The following SLC67A2 variants were observed in gnomAD, a reference collection of about 807,000 sequenced individuals.
SLC67A2 encodes solute carrier family 67 member A2.
At chr2:102,722,539 T>A in the SLC67A2 span, among the ~76,000 whole-genome samples, 4 of 152,308 alleles carry the variant, frequency 2.6e-5, no homozygotes. Context: ...TATTTCCCTT[T>A]TAAATTGCAA....
the SLC67A2 span, among the ~76,000 whole-genome samples, chr2:102,723,244 C>T: frequency 6.6e-6 from 1 of 152,082 alleles, no homozygotes; most frequent in Non-Finnish European, 1.5e-5. Flanking sequence ...GCAGAGGCGG[C>T]GGATCGCATG....
the SLC67A2 span, chr2:102,719,298 A>G: frequency 7.8e-7 from 1 of 1,278,480 alleles, no homozygotes; most frequent in Admixed American, 2.3e-5. Context: ...TTTGTGTTAG[A>G]TTACTAATCT....
At chr2:102,719,037 C>T in the SLC67A2 span, 2 of 1,614,256 alleles carry the variant, frequency 1.2e-6, no homozygotes, top group Admixed American at 3.3e-5. Context: ...GCCAACACTA[C>T]TTCGACCCAG....
chr2:102,718,192 T>C, the SLC67A2 span: 1 of 547,164 alleles, frequency 1.8e-6, no homozygotes, highest in Non-Finnish European at 3.2e-6. Flanking sequence ...ATGCTCACCT[T>C]GGAAAAGCTT....
the SLC67A2 span, among the ~76,000 whole-genome samples, chr2:102,728,228 T>C: frequency 6.6e-6 from 1 of 152,242 alleles, no homozygotes; most frequent in African/African-American, 2.4e-5. Flanking sequence ...TCCCCCATGC[T>C]GTGTGAAACC....
At chr2:102,721,499 C>T in the SLC67A2 span, among the ~76,000 whole-genome samples, 2 of 152,102 alleles carry the variant, frequency 1.3e-5, no homozygotes, top group African/African-American at 2.4e-5. Context: ...CAAAAAGCTG[C>T]AGTAAAGTAC....
the SLC67A2 span, among the ~76,000 whole-genome samples, chr2:102,734,316 A>G: frequency 6.6e-6 from 1 of 152,294 alleles, no homozygotes; most frequent in Non-Finnish European, 1.5e-5. Flanking sequence ...TCTGGAGGAA[A>G]AAAGTGGTTG....
the SLC67A2 span, among the ~76,000 whole-genome samples, chr2:102,724,278 A>G: frequency 1.3e-5 from 2 of 152,106 alleles, no homozygotes; most frequent in Non-Finnish European, 2.9e-5. Flanking sequence ...CACTCTTTAC[A>G]CATTAACTCA....
the SLC67A2 span, chr2:102,732,498 A>ATGAGGTCAGGAG: frequency 9.3e-7 from 1 of 1,076,044 alleles, no homozygotes; most frequent in Non-Finnish European, 1.3e-6. Context: ...AAATAAAACC[A>ATGAGGTCAGGAG]ATATCTAAAA....
chr2:102,731,912 C>T, the SLC67A2 span: 1 of 322,436 alleles, frequency 3.1e-6, no homozygotes, highest in Non-Finnish European at 6.2e-6. Flanking sequence ...AACTAATTGG[C>T]TAATGTTCAC....
chr2:102,728,576 A>T, the SLC67A2 span, among the ~76,000 whole-genome samples: 1 of 151,794 alleles, frequency 6.6e-6, no homozygotes, highest in Non-Finnish European at 1.5e-5. Context: ...CTTCAATCCT[A>T]CTCCCCAATT....
chr2:102,718,856 A>G, the SLC67A2 span: 12 of 1,613,902 alleles, frequency 7.4e-6, no homozygotes, highest in Non-Finnish European at 9.3e-6. Flanking sequence ...GGCCCCCAGC[A>G]TGCTGCTGTA....
chr2:102,735,939 A>T, the SLC67A2 span, among the ~76,000 whole-genome samples: 1 of 152,118 alleles, frequency 6.6e-6, no homozygotes, highest in Admixed American at 6.5e-5. Context: ...ATTCACTCTG[A>T]TCTGCATTTT....
the SLC67A2 span, among the ~76,000 whole-genome samples, chr2:102,733,131 C>T: frequency 6.6e-6 from 1 of 152,198 alleles, no homozygotes; most frequent in Non-Finnish European, 1.5e-5. Context: ...CTTCTCCCTT[C>T]TTCAGTTCTG....
the SLC67A2 span, among the ~76,000 whole-genome samples, chr2:102,729,495 T>C: frequency 5.3e-4 from 81 of 152,312 alleles, no homozygotes; most frequent in East Asian, 0.015. Flanking sequence ...AGAGAAAAGG[T>C]GTTTACTAAG....
chr2:102,718,244 A>T, the SLC67A2 span: 227 of 691,962 alleles, frequency 3.3e-4, no homozygotes, highest in Non-Finnish European at 5.0e-4. Context: ...GTGACTTCTG[A>T]TCATCCTGCA....
At chr2:102,720,580 T>TG in the SLC67A2 span, among the ~76,000 whole-genome samples, 35,403 of 152,092 alleles carry the variant, frequency 0.23, 4,540 homozygotes, top group Middle Eastern at 0.3. Flanking sequence ...CCTCAGGCTC[T>TG]GGGGTAAGCT....
At chr2:102,726,777 G>A in the SLC67A2 span, 2 of 1,501,712 alleles carry the variant, frequency 1.3e-6, no homozygotes, top group Non-Finnish European at 1.8e-6. Context: ...GAGGAAGCGT[G>A]CAGTTTCACA....
the SLC67A2 span, chr2:102,718,294 C>G: frequency 2.5e-6 from 3 of 1,182,074 alleles, no homozygotes; most frequent in Non-Finnish European, 3.6e-6. Context: ...GGAAGCCCAA[C>G]AGCTCACACC....
Sources: gnomAD v4.1 joint callset for allele counts (sites outside exome capture counted in the v4.1 genomes callset) on GRCh38, gnomAD v4.1.1 for gene constraint, MANE v1.5 for transcripts, NCBI Gene and HGNC (gene_info 2026-07-23, HGNC 2026-07-21) for gene names.